SERPINB2: variants seen among roughly 807,000 people sequenced by gnomAD.
The protein encoded by SERPINB2 is plasminogen activator inhibitor 2.
SERPINB2 carries 28 observed loss-of-function variants against 39.4 expected under a neutral mutation model. The ratio of observed to expected loss-of-function variants is 0.71; its 90% CI spans 0.53 to 0.97. SERPINB2 has a LOEUF of 0.97. Ranked by LOEUF, SERPINB2 falls within the 50% of genes least tolerant of loss-of-function variation. The probability of loss-of-function intolerance (pLI) is 0.00; values close to 1 mark genes in which losing one functional copy is unlikely to be tolerated. For synonymous variants in SERPINB2, 209 were observed against 175.1 expected, an observed-to-expected ratio of 1.19 and a Z score of -1.53; for missense variants, 557 against 505.3, an observed-to-expected ratio of 1.10 and a Z score of -0.98.
At chr18:63,894,592 C>G (rs979524530) in intron 2 of SERPINB2, among the ~76,000 whole-genome samples, 2 of 152,118 alleles carry the variant, frequency 1.3e-5, no homozygotes, top group African/African-American at 4.8e-5. Flanking sequence ...GGGCAGGCAG[C>G]AGTGTTGTGG....
chr18:63,902,199 A>G (rs1472998358), intron 6 of SERPINB2, among the ~76,000 whole-genome samples: 1 of 152,202 alleles, frequency 6.6e-6, no homozygotes, highest in Non-Finnish European at 1.5e-5. Context: ...ATTGTTGTCC[A>G]TCTTACTAAA....
At chr18:63,893,098 A>G (rs763715301) in intron 2 of SERPINB2, among the ~76,000 whole-genome samples, 2 of 151,994 alleles carry the variant, frequency 1.3e-5, no homozygotes, top group Non-Finnish European at 2.9e-5. Context: ...ATGCCCATCT[A>G]ATTTTTGTAT....
At chr18:63,888,494 T>C (rs1338956650) in intron 1 of SERPINB2, among the ~76,000 whole-genome samples, 1 of 152,258 alleles carries the variant, frequency 6.6e-6, no homozygotes, top group Non-Finnish European at 1.5e-5. Flanking sequence ...TTGAAACTGT[T>C]GTTTTCTCTT....
chr18:63,894,282 C>T (rs554812962), intron 2 of SERPINB2, among the ~76,000 whole-genome samples: 1 of 152,216 alleles, frequency 6.6e-6, no homozygotes, highest in East Asian at 1.9e-4. Context: ...GGAGTTGCAC[C>T]ACTTCTTTTC....
intron 3 of SERPINB2, among the ~76,000 whole-genome samples, chr18:63,896,676 A>T (rs1288405106): frequency 6.6e-5 from 10 of 152,244 alleles, no homozygotes; most frequent in Non-Finnish European, 1.2e-4. Context: ...AATTTCAAGT[A>T]AACAGTTTTA....
chr18:63,898,747 G>T (rs921275820), intron 5 of SERPINB2, among the ~76,000 whole-genome samples: 5 of 152,156 alleles, frequency 3.3e-5, no homozygotes, highest in African/African-American at 9.7e-5. Flanking sequence ...TGATTAAATT[G>T]TAATTGGGAA....
intron 2 of SERPINB2, among the ~76,000 whole-genome samples, chr18:63,894,742 C>A (rs534968675): frequency 6.6e-5 from 10 of 152,208 alleles, no homozygotes; most frequent in Non-Finnish European, 1.0e-4. Flanking sequence ...ATAAATTTCT[C>A]TGTGTATGAA....
chr18:63,898,509 T>A (rs4589661), intron 5 of SERPINB2, among the ~76,000 whole-genome samples: 43,362 of 151,958 alleles, frequency 0.29, 6,739 homozygotes, highest in East Asian at 0.47. Flanking sequence ...CATTAAGTTC[T>A]ATTAAGTTCA....
At chr18:63,888,803 A>G (rs2049908053) in intron 1 of SERPINB2, among the ~76,000 whole-genome samples, 1 of 152,214 alleles carries the variant, frequency 6.6e-6, no homozygotes, top group African/African-American at 2.4e-5. Context: ...TTAAGAGCAT[A>G]CTATTTGGAA....
At chr18:63,895,137 T>C (rs7233370) in intron 2 of SERPINB2, 127 bp from the exon 3 acceptor site, 259,784 of 1,062,994 alleles carry the variant, frequency 0.24, 33,516 homozygotes, top group East Asian at 0.41. Flanking sequence ...GTATCTATGG[T>C]TGTTCCCCAT....
At chr18:63,900,629 C>G (rs2049985870) in intron 5 of SERPINB2, among the ~76,000 whole-genome samples, 1 of 152,114 alleles carries the variant, frequency 6.6e-6, no homozygotes, top group Admixed American at 6.6e-5. Context: ...CGGGGAATAA[C>G]TTTTGGGTCA....
intron 2 of SERPINB2, 91 bp from the exon 3 acceptor site, chr18:63,895,173 G>A: frequency 1.3e-6 from 2 of 1,486,142 alleles, no homozygotes; most frequent in Non-Finnish European, 1.8e-6. Flanking sequence ...AAAGATCTAG[G>A]ACCATTTTAG....
At chr18:63,889,898 G>A (rs564296834) in intron 1 of SERPINB2, 5 of 152,020 alleles carry the variant, frequency 3.3e-5, no homozygotes, top group Non-Finnish European at 7.3e-5. Flanking sequence ...ATGCACCACC[G>A]AGTGAAGCGA....
Position 63,897,802 on chromosome 18 carries a change from G to T in SERPINB2, c.493G>T (p.Ala165Ser). The change falls in exon 5 of 8, where the codon GCT (alanine) becomes TCT (serine). Residue 165 changes from alanine (A) to serine (S), a missense_variant. Physicochemically the swap from Ala to Ser is moderately conservative, Grantham distance 99. Transcript: ENST00000299502. Reference protein sequence around the residue: ...AVDFLECAEEARKKINSWVKT... With the variant: ...AVDFLECAEESRKKINSWVKT... ...AGACTTCCTAGAATGTGCAGAAGAA[G>T]CTAGAAAAAAGATTAATTCCTGGGT... is the stretch of plus-strand genomic sequence containing the variant. 6.2e-7 allele frequency: 1 copy of T among 1,612,768 alleles called. No homozygotes were observed. Among genetic ancestry groups the T allele is most frequent in the African/African-American group, 1.3e-5 (1 of 74,884 alleles).
At position 63,903,295 on chromosome 18, in the gene SERPINB2, C is replaced by T; in HGVS notation, c.1238C>T (p.Ser413Phe). 6.5e-7 allele frequency: 1 copy of T among 1,528,332 alleles called. No homozygotes were observed. Among genetic ancestry groups the T allele is most frequent in the East Asian group, 2.3e-5 (1 of 43,770 alleles). 94.7% of individuals were successfully genotyped at this position (1,528,332 alleles called of 1,614,324 possible). ...TGCATTTTATTTTTCGGCAGATTTT[C>T]CTCACCCTAAAACTAAGCGTGCTGC... The part of the protein sequence containing the change: ...TNCILFFGRF[S>F]SP Residue 413 changes from serine to phenylalanine, a missense_variant, in exon 8 of 8, where the codon TCC becomes TTC. Transcript: ENST00000299502.
intron 1 of SERPINB2, among the ~76,000 whole-genome samples, chr18:63,888,507 T>C (rs960787167): frequency 2.0e-5 from 3 of 152,214 alleles, no homozygotes; most frequent in Non-Finnish European, 4.4e-5. Flanking sequence ...TTTCTCTTAG[T>C]TCTCATTAAT....
At chr18:63,897,579 C>G (rs1032711766) in intron 4 of SERPINB2, 148 bp from the exon 5 acceptor site, 17 of 719,380 alleles carry the variant, frequency 2.4e-5, no homozygotes, top group African/African-American at 1.8e-4. Flanking sequence ...CACTCTTTCC[C>G]CCTTCAGCAC....
At chr18:63,899,431 C>T (rs1043997431) in intron 5 of SERPINB2, among the ~76,000 whole-genome samples, 1 of 152,212 alleles carries the variant, frequency 6.6e-6, no homozygotes, top group African/African-American at 2.4e-5. Context: ...TCTGAATTTC[C>T]AGGTAGAGTT....
At chr18:63,902,006 T>C (rs2049994697) in intron 6 of SERPINB2, 124 bp downstream of exon 6, 1 of 914,088 alleles carries the variant, frequency 1.1e-6, no homozygotes, top group East Asian at 2.7e-5. Flanking sequence ...GTTGGACAGT[T>C]GATTGACTCT....
Sources: gnomAD v4.1 joint callset for allele counts (sites outside exome capture counted in the v4.1 genomes callset) on GRCh38, gnomAD v4.1.1 for gene constraint, MANE v1.5 for transcripts, NCBI Gene and HGNC (gene_info 2026-07-23, HGNC 2026-07-21) for gene names.